E2F3: variants seen among roughly 807,000 people sequenced by gnomAD.
The protein encoded by E2F3 is transcription factor E2F3.
A neutral mutation model predicts 44.4 loss-of-function variants in E2F3; 11 were observed. The observed-to-expected ratio is 0.25, with a 90% CI of 0.16 to 0.41. E2F3 has a LOEUF of 0.41. E2F3 is among the 10% of genes least tolerant of loss of function. E2F3 has a pLI of 1.00. For synonymous variants in E2F3, 249 were observed against 253.0 expected (o/e 0.98, Z 0.15); for missense variants, 487 against 583.6 (o/e 0.83, Z 1.70).
At chr6:20,481,167 C>T (rs376054295) in intron 2 of E2F3, 39 bp from the exon 3 acceptor site, 7 of 1,595,282 alleles carry the variant, frequency 4.4e-6, no homozygotes, top group Non-Finnish European at 6.0e-6. Context: ...TTACCTTTCC[C>T]CCTATCCCCC....
At chr6:20,417,544 A>G (rs1759887665) in intron 1 of E2F3, among the ~76,000 whole-genome samples, 1 of 152,066 alleles carries the variant, frequency 6.6e-6, no homozygotes, top group Non-Finnish European at 1.5e-5. Context: ...AAACTTTTAA[A>G]TTTAAAAAGA....
At chr6:20,478,085 T>G (rs1346859248) in intron 1 of E2F3, among the ~76,000 whole-genome samples, 1 of 151,806 alleles carries the variant, frequency 6.6e-6, no homozygotes, top group Non-Finnish European at 1.5e-5. Context: ...TGTGGTCCCA[T>G]CTACTCAGGA....
At chr6:20,434,155 C>T (rs1220179597) in intron 1 of E2F3, among the ~76,000 whole-genome samples, 2 of 152,150 alleles carry the variant, frequency 1.3e-5, no homozygotes, top group African/African-American at 2.4e-5. Context: ...CAGAGTTTTC[C>T]AAATGATCTT....
intron 4 of E2F3, among the ~76,000 whole-genome samples, chr6:20,485,932 G>A (rs190958275): frequency 1.3e-5 from 2 of 152,180 alleles, no homozygotes; most frequent in East Asian, 3.9e-4. Flanking sequence ...AGTAACTGGA[G>A]TTTCAAAAAA....
chr6:20,422,174 C>T (rs959978332), intron 1 of E2F3, among the ~76,000 whole-genome samples: 3 of 152,186 alleles, frequency 2.0e-5, no homozygotes, highest in African/African-American at 7.2e-5. Flanking sequence ...GTTTCTATGT[C>T]AGCACTTGCT....
chr6:20,420,438 GGTGTGTGT>G (rs35566563), intron 1 of E2F3, among the ~76,000 whole-genome samples: 2 of 148,878 alleles, frequency 1.3e-5, no homozygotes, highest in African/African-American at 4.9e-5. Context: ...GGCTTTCTCT[GGTGTGTGT>G]GTGTGTGTGT....
At chr6:20,476,663 A>T (rs73732355) in intron 1 of E2F3, among the ~76,000 whole-genome samples, 9,839 of 152,254 alleles carry the variant, frequency 0.065, 1,073 homozygotes, top group African/African-American at 0.22. Context: ...AGCCTTGGTC[A>T]TAAGCCATTC....
intron 1 of E2F3, among the ~76,000 whole-genome samples, chr6:20,478,146 C>T (rs1224075196): frequency 6.6e-6 from 1 of 152,130 alleles, no homozygotes; most frequent in Non-Finnish European, 1.5e-5. Flanking sequence ...TTGCAGTGAG[C>T]TGAGATCACA....
Position 20,401,920 on chromosome 6 carries a change from GCCGGCCGCAGCAC to G in E2F3, c.-308_-296del. On this transcript the variant is annotated 5_prime_UTR_variant, in exon 1 of 7. Transcript: ENST00000346618. The stretch of plus-strand genomic sequence containing the variant: ...AGCTTCCTGGAGCCATTTTTCAGCT[GCCGGCCGCAGCAC>G]CCGGGCTGCCGCCGCCGCCTCGCAA... 1 of 394,108 alleles carries G rather than the reference GCCGGCCGCAGCAC, an allele frequency of 2.5e-6. No homozygotes were observed. The highest frequency in any genetic ancestry group is 5.4e-5 in the South Asian group (1 of 18,418). 24.4% of individuals were successfully genotyped at this position (394,108 alleles called of 1,614,324 possible). A position where few individuals can be genotyped will look rare whatever the true frequency, so the allele number is the denominator to read the frequency against.
intron 1 of E2F3, among the ~76,000 whole-genome samples, chr6:20,476,466 C>CT (rs1461242723): frequency 1.3e-5 from 2 of 152,182 alleles, no homozygotes; most frequent in Non-Finnish European, 2.9e-5. Flanking sequence ...CAGGGCATGA[C>CT]CAGAGCCAGA....
At chr6:20,425,728 C>T (rs1191080841) in intron 1 of E2F3, among the ~76,000 whole-genome samples, 3 of 152,132 alleles carry the variant, frequency 2.0e-5, no homozygotes, top group Non-Finnish European at 2.9e-5. Context: ...AATGCAACAA[C>T]GTGTCTTAGC....
Position 20,488,172 on chromosome 6 carries a change from A to G in E2F3, c.1059A>G (p.Glu353=). The change falls in exon 6 of 7, where the codon GAA becomes GAG. Residue 353 remains glutamate (E), a synonymous_variant. Transcript: ENST00000346618. ...QGPIEVYLCP[E]ETETHSPMKT... ...CCATTGAGGTTTACTTATGTCCAGA[A>G]GAGACTGAAACACACAGTCCAATGA... 1 of 1,614,098 alleles carries G rather than the reference A, an allele frequency of 6.2e-7. No individual in the cohort carries two copies. The highest frequency in any genetic ancestry group is 8.5e-7 in the Non-Finnish European group (1 of 1,180,004).
At chr6:20,403,499 T>A (rs1003419333) in intron 1 of E2F3, among the ~76,000 whole-genome samples, 1 of 151,730 alleles carries the variant, frequency 6.6e-6, no homozygotes, top group East Asian at 2.0e-4. Flanking sequence ...CCTGGGTCTG[T>A]CCCTCTCTCC....
At chr6:20,429,541 G>A (rs1760326944) in intron 1 of E2F3, among the ~76,000 whole-genome samples, 1 of 152,148 alleles carries the variant, frequency 6.6e-6, no homozygotes, top group Non-Finnish European at 1.5e-5. Flanking sequence ...AGGGGTCTTG[G>A]AATGTATCCT....
rs756790293 is a variant in E2F3, at chr6:20,482,813, G to A, written c.777G>A (p.Leu259=). The A allele has an allele frequency of 1.1e-5, 18 of 1,613,224 alleles. No homozygotes were observed. The highest frequency in any genetic ancestry group is 1.7e-4 in the Middle Eastern group (1 of 5,882). ...GCATGCTGGCCCAGTGTCAAGGCCT[G>A]TCAAAAGAAGTGACCGAGCTCAGTC... The part of the protein sequence containing the change: ...DGGMLAQCQG[L]SKEVTELSQE... Residue 259 remains leucine (L), a synonymous_variant, in exon 4 of 7, where the codon CTG becomes CTA. Coordinates refer to ENST00000346618, the MANE Select transcript of E2F3 (RefSeq NM_001949.5).
chr6:20,436,786 G>A (rs1335972557), intron 1 of E2F3, among the ~76,000 whole-genome samples: 2 of 152,120 alleles, frequency 1.3e-5, no homozygotes, highest in African/African-American at 4.8e-5. Flanking sequence ...AAGCATAATG[G>A]TTAATTCCAT....
intron 1 of E2F3, among the ~76,000 whole-genome samples, chr6:20,405,440 G>A (rs919692128): frequency 1.4e-5 from 2 of 148,082 alleles, no homozygotes; most frequent in Admixed American, 1.4e-4. Flanking sequence ...TCCGCCTCCC[G>A]AGTTCAAGCA....
intron 1 of E2F3, among the ~76,000 whole-genome samples, chr6:20,446,330 A>G (rs1299025928): frequency 6.6e-6 from 1 of 152,168 alleles, no homozygotes; most frequent in East Asian, 1.9e-4. Context: ...CAGCAGCCTG[A>G]CTTATAGTAG....
chr6:20,403,760 G>T lies in E2F3; in HGVS notation c.393+1135G>T. ...CGCCGCCGGTCTGTTCGGCCCTCCG[G>T]GCCCCCTCTCCAGCCGGCCCCCCAC... On this transcript the variant is annotated intron_variant, in intron 1 of 6. Transcript: ENST00000346618. 3 of 1,490,526 alleles carry T rather than the reference G, an allele frequency of 2.0e-6. 1 individual carries two copies. The South Asian group carries it at 3.7e-5, about 19-fold the overall frequency. The allele number at this position is 1,490,526 out of a possible 1,614,324, so 92.3% of individuals were successfully genotyped here.
Sources: allele counts gnomAD v4.1 joint callset (sites outside exome capture counted in the v4.1 genomes callset), GRCh38; gene constraint gnomAD v4.1.1; transcripts MANE v1.5; gene names NCBI Gene and HGNC (gene_info 2026-07-23, HGNC 2026-07-21).